Variants in SEL1L2 observed in about 807,000 individuals in gnomAD.
The protein encoded by SEL1L2 is protein sel-1 homolog 2.
Under a neutral mutation model 98.8 loss-of-function variants are expected in SEL1L2, and 89 were observed. The ratio of observed to expected loss-of-function variants is 0.90; its 90% confidence interval spans 0.76 to 1.07. The LOEUF (loss-of-function observed/expected upper bound fraction) is 1.07. Among genes scored for constraint, SEL1L2 ranks in the 50% least tolerant of loss-of-function variants. SEL1L2 has a pLI of 0.00. For missense variants in SEL1L2, 788 were observed against 812.0 expected (o/e 0.97, Z 0.36); for synonymous variants, 262 against 278.5 (o/e 0.94, Z 0.59).
chr20:13,869,285 T>C (rs1048713310), intron 14 of SEL1L2, among the ~76,000 whole-genome samples: 1 of 152,156 alleles, frequency 6.6e-6, no homozygotes, highest in Non-Finnish European at 1.5e-5. Context: ...ACCTCCAACT[T>C]AACCTTGTCA....
chr20:13,973,099 G>A (rs142594706), intron 1 of SEL1L2, among the ~76,000 whole-genome samples: 2,258 of 152,180 alleles, frequency 0.015, 31 homozygotes, highest in Non-Finnish European at 0.025. Flanking sequence ...TGATGTGAGG[G>A]AATTTCTCAG....
At chr20:13,906,073 A>G (rs912476435) in intron 5 of SEL1L2, among the ~76,000 whole-genome samples, 3 of 151,820 alleles carry the variant, frequency 2.0e-5, no homozygotes, top group African/African-American at 7.3e-5. Context: ...ACGGGGTTTC[A>G]CTATGTTGGC....
At chr20:13,979,794 C>T (rs1161971674) in intron 1 of SEL1L2, among the ~76,000 whole-genome samples, 2 of 152,040 alleles carry the variant, frequency 1.3e-5, no homozygotes, top group Non-Finnish European at 2.9e-5. Context: ...ATAGTATTAG[C>T]CTGGGTAGTG....
chr20:13,954,083 T>C (rs151128259), intron 2 of SEL1L2, among the ~76,000 whole-genome samples: 2 of 152,018 alleles, frequency 1.3e-5, no homozygotes, highest in East Asian at 1.9e-4. Flanking sequence ...AAAGTTTTTG[T>C]CGGGGAATGG....
At chr20:13,869,096 T>C (rs1001969233) in intron 14 of SEL1L2, among the ~76,000 whole-genome samples, 2 of 152,074 alleles carry the variant, frequency 1.3e-5, no homozygotes, top group Non-Finnish European at 2.9e-5. Flanking sequence ...GGAGGATCAC[T>C]AGTTATCTAC....
At chr20:13,865,131 A>G in intron 17 of SEL1L2, 36 bp downstream of exon 17, 4 of 1,527,650 alleles carry the variant, frequency 2.6e-6, no homozygotes, top group Non-Finnish European at 3.6e-6. Flanking sequence ...GAGGACAGGG[A>G]CCGGGTATGT....
chr20:13,939,715 G>A (rs2049660563), intron 2 of SEL1L2, among the ~76,000 whole-genome samples: 1 of 139,762 alleles, frequency 7.2e-6, no homozygotes, highest in African/African-American at 2.8e-5. Flanking sequence ...TGCCCAGGCT[G>A]GAGAGCAATG....
At chr20:13,852,572 C>T (rs369245098) in intron 18 of SEL1L2, among the ~76,000 whole-genome samples, 2 of 152,338 alleles carry the variant, frequency 1.3e-5, no homozygotes, top group East Asian at 3.9e-4. Flanking sequence ...GAGAAGTCCA[C>T]TACATACCCA....
chr20:13,946,624 G>T (rs565204234), intron 2 of SEL1L2, among the ~76,000 whole-genome samples: 2 of 152,376 alleles, frequency 1.3e-5, no homozygotes, highest in African/African-American at 4.8e-5. Flanking sequence ...ACAGGAGGGA[G>T]CCATGACCCA....
intron 10 of SEL1L2, among the ~76,000 whole-genome samples, 172 bp downstream of exon 10, chr20:13,885,175 T>G (rs2046892168): frequency 6.6e-6 from 1 of 152,158 alleles, no homozygotes; most frequent in Admixed American, 6.5e-5. Context: ...GTGCTCCCTC[T>G]GGAGAACTTA....
At chr20:13,863,787 T>G (rs927222451) in intron 17 of SEL1L2, among the ~76,000 whole-genome samples, 10 of 151,984 alleles carry the variant, frequency 6.6e-5, no homozygotes. Context: ...CTGGTCCACA[T>G]GGTGAAATCC....
intron 10 of SEL1L2, among the ~76,000 whole-genome samples, chr20:13,882,406 C>T (rs751243933): frequency 1.3e-5 from 2 of 152,176 alleles, no homozygotes; most frequent in African/African-American, 2.4e-5. Flanking sequence ...TTTGCTTTGG[C>T]CAAAAGAATG....
upstream of SEL1L2, among the ~76,000 whole-genome samples, chr20:13,992,286 C>T (rs1159736279): frequency 2.0e-5 from 3 of 151,904 alleles, no homozygotes; most frequent in Admixed American, 2.0e-4. Context: ...GGTGGGTCAT[C>T]TGAGGTCAGG....
In SEL1L2 at chr20:13,885,378, A is replaced by G. The variant is rs199971217; in HGVS notation, c.926T>C (p.Ile309Thr). Residue 309 changes from isoleucine to threonine, a missense_variant, in exon 10 of 20, where the codon ATT (isoleucine) becomes ACT (threonine). Physicochemically the swap from Ile to Thr is moderately conservative, Grantham distance 89 (BLOSUM62 -1). Transcript: ENST00000284951. ...IQVSLGQLHL[I>T]GRKGLDQDYY... is the part of the protein sequence containing the mutation. ...ATCCTGATCTAGACCTTTCCTGCCAATTAGATGTAATTGTCCAAGAGAGAC... is the reference window on the plus strand; with the variant it reads ...ATCCTGATCTAGACCTTTCCTGCCAGTTAGATGTAATTGTCCAAGAGAGAC... 5.6e-6 allele frequency: 9 copies of G among 1,605,186 alleles called. No individual in the cohort carries two copies. The Admixed American group carries it at 1.2e-4, about 21-fold the overall frequency.
intron 10 of SEL1L2, 69 bp downstream of exon 10, chr20:13,885,278 A>G (rs2046895890): frequency 9.9e-7 from 1 of 1,008,028 alleles, no homozygotes; most frequent in African/African-American, 1.6e-5. Flanking sequence ...CCCTGCTTTC[A>G]CTTCCCTGCC....
At chr20:13,945,882 G>C (rs1195289803) in intron 2 of SEL1L2, among the ~76,000 whole-genome samples, 1 of 152,060 alleles carries the variant, frequency 6.6e-6, no homozygotes, top group Non-Finnish European at 1.5e-5. Context: ...GACAAAATTT[G>C]ACATGCTTTT....
chr20:13,990,199 C>T (rs930402051), intron 1 of SEL1L2, among the ~76,000 whole-genome samples: 1 of 152,124 alleles, frequency 6.6e-6, no homozygotes, highest in Admixed American at 6.6e-5. Context: ...AATATCCCTA[C>T]TTTATAACAA....
At chr20:13,950,472 A>G (rs1384634355) in intron 2 of SEL1L2, among the ~76,000 whole-genome samples, 1 of 152,150 alleles carries the variant, frequency 6.6e-6, no homozygotes, top group East Asian at 1.9e-4. Context: ...TGAGGGGAAC[A>G]ATGAGCAGTA....
chr20:13,859,592 G>A (rs961141100), intron 17 of SEL1L2, among the ~76,000 whole-genome samples, 158 bp from the exon 18 acceptor site: 2 of 152,182 alleles, frequency 1.3e-5, no homozygotes, highest in Non-Finnish European at 2.9e-5. Context: ...CCCCAGAACT[G>A]GAATTAGATA....
Sources: allele counts gnomAD v4.1 joint callset (sites outside exome capture counted in the v4.1 genomes callset), GRCh38; gene constraint gnomAD v4.1.1; transcripts MANE v1.5; gene names NCBI Gene and HGNC (gene_info 2026-07-23, HGNC 2026-07-21).